Variants in PLCG2 observed in about 807,000 individuals in gnomAD.
PLCG2 encodes the protein phospholipase C gamma 2.
A neutral mutation model predicts 175.6 loss-of-function variants in PLCG2; 69 were observed. The ratio of observed to expected loss-of-function variants is 0.39; its 90% CI spans 0.32 to 0.48. The LOEUF is 0.48. Among genes scored for constraint, PLCG2 ranks in the 20% least tolerant of loss-of-function variants. The pLI is 0.91. For missense variants in PLCG2, 1,798 were observed against 1,650.9 expected (o/e 1.09, Z -1.54); for synonymous variants, 827 against 624.0 (o/e 1.33, Z -4.85).
intron 5 of PLCG2, among the ~76,000 whole-genome samples, chr16:81,864,189 G>A (rs1206860499): frequency 6.6e-6 from 1 of 152,168 alleles, no homozygotes; most frequent in Non-Finnish European, 1.5e-5. Context: ...GATTGAGTAG[G>A]TGGTGGGCAG....
intron 2 of PLCG2, among the ~76,000 whole-genome samples, chr16:81,840,679 G>A (rs1226802082): frequency 1.3e-5 from 2 of 152,144 alleles, no homozygotes; most frequent in Non-Finnish European, 2.9e-5. Flanking sequence ...ACAGGAGGTG[G>A]AGCTCAGGCA....
chr16:81,829,263 C>T (rs8057026), intron 2 of PLCG2, among the ~76,000 whole-genome samples: 72,737 of 151,788 alleles, frequency 0.48, 17,908 homozygotes, highest in African/African-American at 0.6. Flanking sequence ...CACACACCAA[C>T]GTGCCCGGCT....
intron 11 of PLCG2, 103 bp from the exon 12 acceptor site, chr16:81,893,606 G>A (rs1389076766): frequency 4.2e-6 from 3 of 719,352 alleles, no homozygotes; most frequent in South Asian, 1.5e-5. Flanking sequence ...GAGCTTTGGC[G>A]GCTCGGGCGG....
chr16:81,844,143 AT>A (rs60183943), intron 2 of PLCG2, among the ~76,000 whole-genome samples: 26,064 of 93,758 alleles, frequency 0.28, 2,852 homozygotes, highest in East Asian at 0.53. Flanking sequence ...CACCCGGCTG[AT>A]TTTTTTTTTT....
chr16:81,783,084 G>T (rs1259969689), intron 1 of PLCG2: 1 of 471,092 alleles, frequency 2.1e-6, no homozygotes, highest in Non-Finnish European at 4.3e-6. Context: ...CAGAGTGAGG[G>T]CTGGAAAGAA....
In PLCG2 at chr16:81,927,353, G is replaced by C. The variant is rs3813009; in HGVS notation, c.2514+175G>C. On this transcript the variant is annotated intron_variant, in intron 23 of 32. Transcript: ENST00000564138. ...GGGAAATTGAGATTGAGTTGTTGTG[G>C]GTGAGTTGCTGTGACAAGCCGGCCG... Among the ~76,000 whole-genome samples the C allele has an allele frequency of 0.16, 24,171 of 152,136 alleles. 2,457 individuals carry two copies. Among genetic ancestry groups the C allele is most frequent in the Non-Finnish European group, 0.22 (15,248 of 67,978 alleles).
Position 81,908,497 on chromosome 16 carries a change from C to T in PLCG2, c.1639C>T (p.Leu547=). The change falls in exon 17 of 33, where the codon CTG becomes TTG. Residue 547 remains leucine (L), a synonymous_variant. Transcript: ENST00000564138. ...VEKRTSAEKL[L]QEYCMETGGK... ...GAAGAGGACGAGTGCCGAGAAGTTGCTGCAGGAATACTGCATGGAGACGGG... is the reference window on the plus strand; with the variant it reads ...GAAGAGGACGAGTGCCGAGAAGTTGTTGCAGGAATACTGCATGGAGACGGG... 4.3e-6 allele frequency: 7 copies of T among 1,614,104 alleles called. No homozygotes were observed. The highest frequency in any genetic ancestry group is 5.9e-6 in the Non-Finnish European group (7 of 1,179,992).
At position 81,946,253 on chromosome 16, in the gene PLCG2, G is replaced by T; in HGVS notation, c.3560G>T (p.Arg1187Leu). 6.2e-7 allele frequency: 1 copy of T among 1,612,900 alleles called. No individual in the cohort carries two copies. The highest frequency in any genetic ancestry group is 8.5e-7 in the Non-Finnish European group (1 of 1,178,984). ...TCCCTCCTGGTTTTCTGTGAGATGCGGCCAGTCCTGGTGAGTGGAGAAACA... is the reference window on the plus strand; with the variant it reads ...TCCCTCCTGGTTTTCTGTGAGATGCTGCCAGTCCTGGTGAGTGGAGAAACA... The part of the protein sequence containing the change: ...LASLLVFCEM[R>L]PVLESEEELY... The change falls in exon 31 of 33, where the codon CGG becomes CTG. Residue 1187 changes from arginine (R) to leucine (L), a missense_variant. Coordinates refer to ENST00000564138, the MANE Select transcript of PLCG2 (RefSeq NM_002661.5).
intron 19 of PLCG2, among the ~76,000 whole-genome samples, chr16:81,913,481 A>G (rs1276324840): frequency 3.9e-5 from 6 of 152,190 alleles, no homozygotes; most frequent in Non-Finnish European, 7.3e-5. Flanking sequence ...CTCATAGTCA[A>G]CTGAGTTTGA....
chr16:81,927,021 C>T (rs1910302011), intron 22 of PLCG2, 61 bp from the exon 23 acceptor site: 7 of 1,041,062 alleles, frequency 6.7e-6, no homozygotes, highest in Middle Eastern at 2.2e-4. Flanking sequence ...TGCAGATGAG[C>T]AGTAGTGGGT....
At chr16:81,798,528 G>A (rs907728760) in intron 2 of PLCG2, 1 of 152,340 alleles carries the variant, frequency 6.6e-6, no homozygotes, top group African/African-American at 2.4e-5. Flanking sequence ...AATAGAAACA[G>A]TGATGATACC....
chr16:81,909,711 G>T (rs1909533921), intron 17 of PLCG2, among the ~76,000 whole-genome samples: 1 of 152,140 alleles, frequency 6.6e-6, no homozygotes, highest in Admixed American at 6.5e-5. Context: ...ATTGCACCTG[G>T]CTGAAAATTA....
At chr16:81,778,441 C>T (rs893792174), upstream of PLCG2, among the ~76,000 whole-genome samples, 21 of 152,244 alleles carry the variant, frequency 1.4e-4, no homozygotes, top group Non-Finnish European at 2.9e-4. Context: ...TCTAGGTGCC[C>T]CTGAAACTGC....
At position 81,912,612 on chromosome 16, in the gene PLCG2, C is replaced by T. The variant is rs1389611492; in HGVS notation, c.1950C>T (p.Ser650=). The T allele has an allele frequency of 1.2e-6, 2 of 1,613,124 alleles. No individual in the cohort carries two copies. The highest frequency in any genetic ancestry group is 1.1e-5 in the South Asian group (1 of 90,650). ...PHESKPWYYD[S]LSRGEAEDML... ...TGTGCCGCAGGTGGTACTATGACAG[C>T]CTGAGCCGCGGAGAGGCAGAGGACA... is the stretch of plus-strand genomic sequence containing the variant. Residue 650 remains serine (S), a synonymous_variant, in exon 19 of 33, where the codon AGC becomes AGT. Transcript: ENST00000564138.
intron 30 of PLCG2, among the ~76,000 whole-genome samples, chr16:81,940,802 TAGC>T (rs1396782734): frequency 2.6e-5 from 4 of 152,186 alleles, no homozygotes; most frequent in Non-Finnish European, 4.4e-5. Context: ...TGGCTCTCCT[TAGC>T]TTCTATATAG....
intron 2 of PLCG2, among the ~76,000 whole-genome samples, chr16:81,841,389 T>C (rs13334290): frequency 0.14 from 20,628 of 151,780 alleles, 1,381 homozygotes; most frequent in South Asian, 0.19. Context: ...CCCAGGCGCT[T>C]ACTACCATGC....
chr16:81,944,894 C>T (rs1356930022), intron 30 of PLCG2, among the ~76,000 whole-genome samples: 1 of 152,122 alleles, frequency 6.6e-6, no homozygotes, highest in Non-Finnish European at 1.5e-5. Flanking sequence ...TTCGTACAAT[C>T]TAGGTGGTGG....
chr16:81,759,825 A>G (rs546946296), intron 2 of PLCG2, among the ~76,000 whole-genome samples: 2 of 152,266 alleles, frequency 1.3e-5, no homozygotes, highest in South Asian at 2.1e-4. Flanking sequence ...TTTTCTTTCT[A>G]TAGTTAAGAA....
In PLCG2 at chr16:81,892,902, C is replaced by T. The variant is rs950498266; in HGVS notation, c.987-807C>T. Among the ~76,000 whole-genome samples, 3 of 148,784 alleles carry T rather than the reference C, an allele frequency of 2.0e-5. No homozygotes were observed. The Admixed American group carries it at 2.0e-4, about 10-fold the overall frequency. ...TCACTCTGTTGCCCAGGCTGGAGTG[C>T]ATTGGTGCGATCTCAGCTCACAACC... is the stretch of plus-strand genomic sequence containing the variant. On this transcript the variant is annotated intron_variant, in intron 11 of 32. Coordinates refer to ENST00000564138, the MANE Select transcript of PLCG2 (RefSeq NM_002661.5).
Sources: gnomAD v4.1 joint callset for allele counts (sites outside exome capture counted in the v4.1 genomes callset) on GRCh38, gnomAD v4.1.1 for gene constraint, MANE v1.5 for transcripts, NCBI Gene and HGNC (gene_info 2026-07-23, HGNC 2026-07-21) for gene names.